The following COL18A1 variants were observed in gnomAD, a reference collection of about 807,000 sequenced individuals.
COL18A1 encodes the protein collagen type XVIII alpha 1 chain.
A neutral mutation model predicts 168.0 loss-of-function variants in COL18A1; 133 were observed. The ratio of observed to expected loss-of-function variants is 0.79; its 90% CI spans 0.69 to 0.91. COL18A1 has a LOEUF of 0.91. Ranked by LOEUF, COL18A1 falls within the 40% of genes least tolerant of loss-of-function variation. COL18A1 has a pLI of 0.00. For synonymous variants in COL18A1, 949 were observed against 809.0 expected (o/e 1.17, Z -2.94); for missense variants, 2,126 against 1,925.4 (o/e 1.10, Z -1.95).
intron 14 of COL18A1, 35 bp from the exon 15 acceptor site, chr21:45,482,760 C>G (rs755733933): frequency 4.3e-6 from 7 of 1,614,234 alleles, no homozygotes; most frequent in Non-Finnish European, 5.9e-6. Context: ...TGCTGCAAGT[C>G]TGATTTTGTC....
At chr21:45,496,007 C>T (rs2036527892) in intron 29 of COL18A1, 1 of 348,410 alleles carries the variant, frequency 2.9e-6, no homozygotes, top group East Asian at 7.4e-5. Flanking sequence ...CACACATGTG[C>T]ACCCATATAC....
Position 45,443,779 on chromosome 21 carries a change from G to A in COL18A1, c.107-24463G>A, listed in dbSNP as rs1001024747. 2.6e-5 allele frequency among the ~76,000 whole-genome samples: 4 copies of A among 152,192 alleles called. No individual in the cohort carries two copies. Among genetic ancestry groups the A allele is most frequent in the Admixed American group, 6.5e-5 (1 of 15,284 alleles). ...GCAATGCGGCCCCGTGCCCCTTTAC[G>A]CGGCTCTGCTGGTGGAGAGGAATAG... On this transcript the variant is annotated intron_variant, in intron 2 of 41. Coordinates refer to ENST00000651438, the MANE Select transcript of COL18A1 (RefSeq NM_001379500.1). This position sits in a 1 kb window ranked among gnomAD's most constrained non-coding sequence, Gnocchi z 5.2.
At position 45,490,288 on chromosome 21, in the gene COL18A1, C is replaced by T. The variant is rs772975247; in HGVS notation, c.1973C>T (p.Ala658Val). 1.1e-5 allele frequency: 17 copies of T among 1,586,114 alleles called. No individual in the cohort carries two copies. The Admixed American group carries it at 2.7e-4, about 25-fold the overall frequency. The change falls in exon 20 of 42, where the codon GCA (alanine) becomes GTA (valine). Residue 658 changes from alanine (A) to valine (V), a missense_variant. Coordinates refer to ENST00000651438, the MANE Select transcript of COL18A1 (RefSeq NM_001379500.1). ...GLPGAKGEVGADGVPGFPGLP... is the reference protein window; with the variant it reads ...GLPGAKGEVGVDGVPGFPGLP... ...TGACCCTTTCAGGGAGAAGTTGGAG[C>T]AGATGGAGTCCCCGGGTTCCCCGGC...
intron 2 of COL18A1, among the ~76,000 whole-genome samples, chr21:45,467,022 G>A (rs1196057580): frequency 6.6e-6 from 1 of 152,246 alleles, no homozygotes; most frequent in African/African-American, 2.4e-5. Context: ...GGTGGACGGC[G>A]GCCTCTGTCT....
intron 2 of COL18A1, among the ~76,000 whole-genome samples, chr21:45,440,749 C>A (rs1450450622): frequency 6.6e-6 from 1 of 152,190 alleles, no homozygotes; most frequent in South Asian, 2.1e-4. Flanking sequence ...TTATGTCACA[C>A]CCTGGCTGCA....
intron 29 of COL18A1, chr21:45,496,265 A>T (rs369709079): frequency 1.4e-6 from 1 of 701,898 alleles, no homozygotes. Flanking sequence ...TGGCCTCTTC[A>T]CTCCTCCCGA....
chr21:45,490,822 T>C lies in COL18A1; in HGVS notation c.2032-14T>C, dbSNP rs1184830060. On this transcript the variant is annotated splice_polypyrimidine_tract_variant and intron_variant, in intron 20 of 41. Transcript: ENST00000651438. ...TTCTGTTGGTGATGAACCATTTCCT[T>C]CCTGTCTCTCCAGGGGCCAAAGGGA... is the stretch of plus-strand genomic sequence containing the variant. 6.5e-7 allele frequency: 1 copy of C among 1,549,702 alleles called. No homozygotes were observed. Among genetic ancestry groups the C allele is most frequent in the Admixed American group, 2.0e-5 (1 of 50,976 alleles).
intron 9 of COL18A1, 129 bp from the exon 10 acceptor site, chr21:45,479,773 G>C (rs529265454): frequency 5.2e-6 from 7 of 1,355,028 alleles, no homozygotes; most frequent in Non-Finnish European, 7.1e-6. Flanking sequence ...CGTACTTTCC[G>C]GGCCCCAGAG....
rs1186543021 is a variant in COL18A1, at chr21:45,513,160, A to G, written c.*762A>G. 1 of 152,366 alleles carries G rather than the reference A, an allele frequency of 6.6e-6. No homozygotes were observed. The highest frequency in any genetic ancestry group is 1.5e-5 in the Non-Finnish European group (1 of 68,154). The allele number at this position is 152,366 out of a possible 1,614,324, so 9.4% of individuals were successfully genotyped here. On this transcript the variant is annotated 3_prime_UTR_variant, in exon 42 of 42. Transcript: ENST00000651438. ...CCAAGCTGGGAGATTCAAGGGACCCATGAGTTGGGGTCTGGCAGCCTCCCA... is the reference window on the plus strand; with the variant it reads ...CCAAGCTGGGAGATTCAAGGGACCCGTGAGTTGGGGTCTGGCAGCCTCCCA...
chr21:45,475,791 G>T (rs1214817335), intron 5 of COL18A1, among the ~76,000 whole-genome samples: 2 of 152,256 alleles, frequency 1.3e-5, no homozygotes, highest in Non-Finnish European at 1.5e-5. Context: ...GTCCTGCCCT[G>T]CACACTCCTT....
intron 2 of COL18A1, among the ~76,000 whole-genome samples, chr21:45,441,475 C>T (rs559653603): frequency 6.6e-5 from 10 of 152,332 alleles, no homozygotes; most frequent in South Asian, 6.2e-4. Context: ...GGCCTCGGGA[C>T]GCTTGAACCC....
rs1270600632 is a variant in COL18A1, at chr21:45,438,206, GCA to G, written c.107-30026_107-30025del. On this transcript the variant is annotated intron_variant, in intron 2 of 41. Transcript: ENST00000651438. ...CACTCAGACACACAGGCACTCTCCT[GCA>G]CACACACACTCACACACTCAGACAC... Among the ~76,000 whole-genome samples the G allele has an allele frequency of 2.5e-4, 23 of 93,154 alleles. 1 individual carries two copies. The highest frequency in any genetic ancestry group is 1.0e-3 in the East Asian group (3 of 2,978). 61.1% of individuals were successfully genotyped at this position (93,154 alleles called of 152,430 possible).
In COL18A1 at chr21:45,498,664, C is replaced by A; in HGVS notation, c.2683+1003C>A. On this transcript the variant is annotated intron_variant, in intron 32 of 41. Coordinates refer to ENST00000651438, the MANE Select transcript of COL18A1 (RefSeq NM_001379500.1). This position sits in a 1 kb window ranked among gnomAD's most constrained non-coding sequence, Gnocchi z 4.5. Reference sequence around the variant, plus strand: ...CAAGCGGGAAGATGGAAGATGTGCCCATGCCAGCCTTGGATCTCTCAGCGT... The same window carrying A: ...CAAGCGGGAAGATGGAAGATGTGCCAATGCCAGCCTTGGATCTCTCAGCGT... The A allele has an allele frequency of 2.9e-6, 2 of 684,568 alleles. No homozygotes were observed. Among genetic ancestry groups the A allele is most frequent in the South Asian group, 3.1e-5 (2 of 63,754 alleles). The allele number at this position is 684,568 out of a possible 1,614,324, so 42.4% of individuals were successfully genotyped here.
At position 45,471,397 on chromosome 21, in the gene COL18A1, A is replaced by T. The variant is rs1261290389; in HGVS notation, c.652-2498A>T. Among the ~76,000 whole-genome samples, 2 of 152,220 alleles carry T rather than the reference A, an allele frequency of 1.3e-5. No individual in the cohort carries two copies. The highest frequency in any genetic ancestry group is 3.9e-4 in the East Asian group (2 of 5,192). ...GAATTGAGATACTTGGGAAAGAAAC[A>T]TTCAAGTTGTGTGACTCATAATTTT... On this transcript the variant is annotated intron_variant, in intron 3 of 41. Transcript: ENST00000651438. This position sits in a 1 kb window ranked among gnomAD's most constrained non-coding sequence, Gnocchi z 4.4.
chr21:45,422,289 G>A, intron 2 of COL18A1: 1 of 349,644 alleles, frequency 2.9e-6, no homozygotes, highest in South Asian at 2.2e-5. Flanking sequence ...TCTGTCTGTA[G>A]AGGGGCAGGA....
At chr21:45,440,151 C>T (rs140687619) in intron 2 of COL18A1, among the ~76,000 whole-genome samples, 1 of 152,352 alleles carries the variant, frequency 6.6e-6, no homozygotes, top group Non-Finnish European at 1.5e-5. Flanking sequence ...GGGGTCGGAA[C>T]GTCGGCTGTG....
At chr21:45,494,391 G>A (rs948878681) in intron 26 of COL18A1, 154 bp from the exon 27 acceptor site, 2 of 1,072,284 alleles carry the variant, frequency 1.9e-6, no homozygotes, top group Admixed American at 1.9e-5. Flanking sequence ...GGACGGCCCA[G>A]TGCACCCAAA....
At chr21:45,448,535 G>A (rs556315195) in intron 2 of COL18A1, among the ~76,000 whole-genome samples, 88 of 152,340 alleles carry the variant, frequency 5.8e-4, no homozygotes, top group African/African-American at 1.9e-3. Flanking sequence ...ACGCGCACAC[G>A]TGTGCTTCTG....
chr21:45,454,093 A>G (rs2145846911), intron 2 of COL18A1, among the ~76,000 whole-genome samples: 1 of 152,360 alleles, frequency 6.6e-6, no homozygotes, highest in South Asian at 2.1e-4. Context: ...TTCTCTGGGC[A>G]TCTCTGAGAC....
Sources: gnomAD v4.1 joint callset for allele counts (sites outside exome capture counted in the v4.1 genomes callset) on GRCh38, gnomAD v4.1.1 for gene constraint, Gnocchi (gnomAD v3.1) non-coding constraint, MANE v1.5 for transcripts, NCBI Gene and HGNC (gene_info 2026-07-23, HGNC 2026-07-21) for gene names.